The following SETX variants were observed in gnomAD, a reference collection of about 807,000 sequenced individuals.
SETX encodes the protein senataxin.
A neutral mutation model predicts 227.2 loss-of-function variants in SETX; 90 were observed. That is an observed-to-expected ratio of 0.40 (90% confidence interval 0.33 to 0.47). SETX has a LOEUF of 0.47. Ranked by LOEUF, SETX falls within the 20% of genes least tolerant of loss-of-function variation. The pLI is 0.91. For missense variants in SETX, 3,052 were observed against 3,181.5 expected (o/e 0.96, Z 0.98); for synonymous variants, 1,210 against 1,113.2 (o/e 1.09, Z -1.73).
In SETX at chr9:132,327,442, T is replaced by A. The variant is rs543573; in HGVS notation, c.4156A>T (p.Ile1386Leu). 1 of 1,613,858 alleles carries A rather than the reference T, an allele frequency of 6.2e-7. No homozygotes were observed. Among genetic ancestry groups the A allele is most frequent in the East Asian group, 2.2e-5 (1 of 44,894 alleles). ...AGSHTAQNSD[I>L]FVPESDRSDY... ...GACCTATCAGATTCTGGTACAAATA[T>A]GTCAGAATTCTGTGCTGTATGTGAC... Residue 1386 changes from isoleucine (I) to leucine (L), a missense_variant, in exon 10 of 26, where the codon ATA (isoleucine) becomes TTA (leucine). By Grantham distance (5) the Ile-to-Leu change is conservative. This residue lies in a region of SETX where 1,483 missense variants were observed against 1,312.0 expected (regional missense o/e 1.13). Coordinates refer to ENST00000224140, the MANE Select transcript of SETX (RefSeq NM_015046.7).
intron 11 of SETX, among the ~76,000 whole-genome samples, chr9:132,310,893 T>C (rs1845613355): frequency 6.6e-6 from 1 of 152,216 alleles, no homozygotes; most frequent in Non-Finnish European, 1.5e-5. Flanking sequence ...CCTTATGATT[T>C]TAGTTTCTTT....
rs1014555818 is a variant in SETX at position 132,265,067 on chromosome 9, GAACA to G, written c.7288-86_7288-83del. 78 of 1,488,942 alleles carry G rather than the reference GAACA, an allele frequency of 5.2e-5. No individual in the cohort carries two copies. In the Admixed American group the frequency reaches 1.3e-3, roughly 24 times the overall value. The allele number at this position is 1,488,942 out of a possible 1,614,324, so 92.2% of individuals were successfully genotyped here. A position where few individuals can be genotyped will look rare whatever the true frequency, so the allele number is the denominator to read the frequency against. ...GCATAGAGTTCCAGCTTTCATTTCTGAACAAATAATACATATTATTGTATGAACA... is the reference window on the plus strand; with the variant it reads ...GCATAGAGTTCCAGCTTTCATTTCTGAATAATACATATTATTGTATGAACA... On this transcript the variant is annotated intron_variant, in intron 25 of 25. Coordinates refer to ENST00000224140, the MANE Select transcript of SETX (RefSeq NM_015046.7).
chr9:132,270,946 A>G (rs1244384310), intron 24 of SETX, among the ~76,000 whole-genome samples: 2 of 152,264 alleles, frequency 1.3e-5, no homozygotes, highest in Admixed American at 6.5e-5. Context: ...AGGGGCAAAG[A>G]TTACTTTAAT....
chr9:132,315,651 ACTT>A (rs1845923120), intron 10 of SETX, among the ~76,000 whole-genome samples: 1 of 152,032 alleles, frequency 6.6e-6, no homozygotes, highest in Non-Finnish European at 1.5e-5. Context: ...CCTTCCACTC[ACTT>A]CTTTGTACAT....
At chr9:132,339,004 C>A (rs1404936552) in intron 5 of SETX, among the ~76,000 whole-genome samples, 1 of 152,182 alleles carries the variant, frequency 6.6e-6, no homozygotes, top group Non-Finnish European at 1.5e-5. Context: ...TTCAAACAAT[C>A]CTCCAACCCT....
intron 7 of SETX, among the ~76,000 whole-genome samples, chr9:132,332,995 C>T (rs1290875682): frequency 6.6e-6 from 1 of 150,670 alleles, no homozygotes; most frequent in Non-Finnish European, 1.5e-5. Flanking sequence ...CAGAATTATA[C>T]ATGTAGTTAG....
At chr9:132,355,626 G>C (rs939624408), upstream of SETX, among the ~76,000 whole-genome samples, 3 of 152,168 alleles carry the variant, frequency 2.0e-5, no homozygotes, top group African/African-American at 7.2e-5. Context: ...GCTCGCTTGA[G>C]CCCGGAGTTC....
intron 10 of SETX, among the ~76,000 whole-genome samples, chr9:132,322,542 A>G (rs1771788663): frequency 6.6e-6 from 1 of 152,248 alleles, no homozygotes; most frequent in Non-Finnish European, 1.5e-5. Flanking sequence ...ATTAGTGAAC[A>G]CAGATCTTCA....
intron 10 of SETX, among the ~76,000 whole-genome samples, chr9:132,320,352 G>A (rs527916706): frequency 6.6e-6 from 1 of 152,234 alleles, no homozygotes; most frequent in Admixed American, 6.5e-5. Context: ...GAGGCGAGCA[G>A]ATCACAAGGT....
chr9:132,316,777 T>C (rs1459376695), intron 10 of SETX, among the ~76,000 whole-genome samples: 1 of 152,202 alleles, frequency 6.6e-6, no homozygotes, highest in East Asian at 1.9e-4. Flanking sequence ...CCACTGTTTC[T>C]CCGGGTATCC....
intron 11 of SETX, among the ~76,000 whole-genome samples, chr9:132,304,055 G>A (rs1845183352): frequency 6.6e-6 from 1 of 152,280 alleles, no homozygotes; most frequent in East Asian, 1.9e-4. Context: ...GGGAGGCGGA[G>A]GTTGCAGCCA....
chr9:132,353,030 G>A (rs1048282574), intron 2 of SETX, among the ~76,000 whole-genome samples: 1 of 152,146 alleles, frequency 6.6e-6, no homozygotes, highest in Non-Finnish European at 1.5e-5. Context: ...TACTGAAGAA[G>A]CCTAAATGAT....
chr9:132,332,006 C>T (rs1847267116), intron 7 of SETX, among the ~76,000 whole-genome samples: 1 of 152,196 alleles, frequency 6.6e-6, no homozygotes, highest in African/African-American at 2.4e-5. Flanking sequence ...GGCAAAGATA[C>T]ACTCTTCATC....
chr9:132,284,069 A>C (rs1333649371), intron 18 of SETX, among the ~76,000 whole-genome samples: 4 of 152,194 alleles, frequency 2.6e-5, no homozygotes, highest in African/African-American at 9.7e-5. Context: ...GTGGTGATTC[A>C]TCTCAGCACA....
chr9:132,299,838 T>C (rs1275727758), intron 12 of SETX, among the ~76,000 whole-genome samples: 1 of 152,028 alleles, frequency 6.6e-6, no homozygotes, highest in Non-Finnish European at 1.5e-5. Context: ...AGATTATAAA[T>C]GTACATAAGA....
intron 5 of SETX, among the ~76,000 whole-genome samples, chr9:132,340,605 G>T (rs962896305): frequency 6.6e-6 from 1 of 152,098 alleles, no homozygotes; most frequent in Non-Finnish European, 1.5e-5. Context: ...CTTTACTCCC[G>T]GGCAGAAGCA....
At chr9:132,277,253 G>A (rs894431747) in intron 21 of SETX, 101 bp from the exon 22 acceptor site, 5 of 908,602 alleles carry the variant, frequency 5.5e-6, no homozygotes, top group Non-Finnish European at 8.8e-6. Flanking sequence ...TGTGGGCTGG[G>A]GCAAGTAAGG....
intron 5 of SETX, among the ~76,000 whole-genome samples, chr9:132,338,293 A>G (rs1014674199): frequency 6.6e-6 from 1 of 152,002 alleles, no homozygotes; most frequent in East Asian, 1.9e-4. Context: ...GGGTTTCACC[A>G]TGCTGGCCAG....
intron 20 of SETX, among the ~76,000 whole-genome samples, chr9:132,279,299 G>A (rs1428605507): frequency 6.6e-6 from 1 of 152,070 alleles, no homozygotes; most frequent in Non-Finnish European, 1.5e-5. Context: ...AGCATTAGGA[G>A]ATACACCTAA....
Sources: allele counts gnomAD v4.1 joint callset (sites outside exome capture counted in the v4.1 genomes callset), GRCh38; gene constraint gnomAD v4.1.1; regional missense constraint gnomAD v4.1.1; transcripts MANE v1.5; gene names NCBI Gene and HGNC (gene_info 2026-07-23, HGNC 2026-07-21).